Variants in DNAH9 observed in about 807,000 individuals in gnomAD.
DNAH9 encodes the protein dynein axonemal heavy chain 9.
In DNAH9, 345 loss-of-function variants were observed where a neutral mutation model predicts 471.6. The observed-to-expected ratio is 0.73, with a 90% CI of 0.67 to 0.80. The LOEUF is 0.80. Among genes scored for constraint, DNAH9 ranks in the 30% least tolerant of loss-of-function variants. The probability of loss-of-function intolerance (pLI) is 0.00; values close to 1 mark genes in which losing one functional copy is unlikely to be tolerated. For missense variants in DNAH9, 5,407 were observed against 5,609.2 expected (o/e 0.96, Z 1.15); for synonymous variants, 2,093 against 2,123.6 (o/e 0.99, Z 0.40).
chr17:11,919,930 A>G (rs567809646), intron 61 of DNAH9, among the ~76,000 whole-genome samples: 4 of 152,346 alleles, frequency 2.6e-5, no homozygotes, highest in Non-Finnish European at 5.9e-5. Context: ...ATGAGTGGAC[A>G]TGGAAGAATC....
intron 53 of DNAH9, among the ~76,000 whole-genome samples, chr17:11,876,709 T>C (rs2009919): frequency 0.45 from 68,548 of 151,772 alleles, 17,474 homozygotes; most frequent in Middle Eastern, 0.62. Context: ...AGGTTTTGTT[T>C]TTTTTGTTTG....
intron 52 of DNAH9, among the ~76,000 whole-genome samples, chr17:11,872,233 G>A (rs934965883): frequency 4.6e-5 from 7 of 152,106 alleles, no homozygotes; most frequent in African/African-American, 1.7e-4. Flanking sequence ...GTGACTCACA[G>A]ATATCCTTCG....
Position 11,763,463 on chromosome 17 carries a change from C to T in DNAH9, c.7019C>T (p.Pro2340Leu). ...AGGTTTAAGAAGATCATTCCCATCC[C>T]AGAGCAGAGCATGGTTCAGATGGTG... is the stretch of plus-strand genomic sequence containing the variant. Reference protein sequence around the residue: ...RTRFKKIIPIPEQSMVQMVCH... With the variant: ...RTRFKKIIPILEQSMVQMVCH... The change falls in exon 36 of 69, where the codon CCA becomes CTA. Residue 2340 changes from proline to leucine, a missense_variant. By Grantham distance (98) the Pro-to-Leu change is moderately conservative. Transcript: ENST00000262442. The T allele has an allele frequency of 6.2e-7, 1 of 1,614,094 alleles. No homozygotes were observed. Among genetic ancestry groups the T allele is most frequent in the Non-Finnish European group, 8.5e-7 (1 of 1,179,984 alleles).
rs2150701165 is a variant in DNAH9 at position 11,651,287 on chromosome 17, C to A, written c.2316C>A (p.Leu772=). ...EEELQNIDLR[L]RAAEETLNWK... ...AGCTGCAAAATATTGATCTCCGCCTCAGAGCAGCAGAGGAGACTTTGAACT... is the reference window on the plus strand; with the variant it reads ...AGCTGCAAAATATTGATCTCCGCCTAAGAGCAGCAGAGGAGACTTTGAACT... The change falls in exon 13 of 69, where the codon CTC becomes CTA. Residue 772 remains leucine (L), a synonymous_variant. Transcript: ENST00000262442. 1 of 1,613,806 alleles carries A rather than the reference C, an allele frequency of 6.2e-7. No homozygotes were observed. The highest frequency in any genetic ancestry group is 2.2e-5 in the East Asian group (1 of 44,874).
Position 11,902,702 on chromosome 17 carries a change from T to C in DNAH9, c.11407-17T>C, listed in dbSNP as rs1433529129. The C allele has an allele frequency of 3.1e-6, 5 of 1,601,560 alleles. No individual in the cohort carries two copies. The highest frequency in any genetic ancestry group is 4.3e-6 in the Non-Finnish European group (5 of 1,172,728). ...TTTCTGGAGAAACTGCATTTCAGAT[T>C]CTCTGAAATTTCCCAGGTACTTTCA... On this transcript the variant is annotated splice_polypyrimidine_tract_variant and intron_variant, in intron 59 of 68. Transcript: ENST00000262442.
At position 11,947,772 on chromosome 17, in the gene DNAH9, A is replaced by AATTTTTTTTTTTTTT. The variant is rs1555528615; in HGVS notation, c.12843+5287_12843+5288insATTTTTTTTTTTTTT. Among the ~76,000 whole-genome samples, 4 of 108,344 alleles carry AATTTTTTTTTTTTTT rather than the reference A, an allele frequency of 3.7e-5. 1 individual carries two copies. Among genetic ancestry groups the AATTTTTTTTTTTTTT allele is most frequent in the Admixed American group, 1.0e-4 (1 of 9,916 alleles). The allele number at this position is 108,344 out of a possible 152,430, so 71.1% of individuals were successfully genotyped here. ...CAGAATCTGGGAGGGGCTGGGAACT[A>AATTTTTTTTTTTTTT]TTTTTTTTTTTTTTTTTTTTTTTTT... On this transcript the variant is annotated intron_variant, in intron 67 of 68. Coordinates refer to ENST00000262442, the MANE Select transcript of DNAH9 (RefSeq NM_001372.4).
At chr17:11,797,269 C>T (rs1225157440) in intron 42 of DNAH9, among the ~76,000 whole-genome samples, 1 of 152,106 alleles carries the variant, frequency 6.6e-6, no homozygotes, top group East Asian at 1.9e-4. Flanking sequence ...GGTGAAAGAG[C>T]CCCCACTTAG....
At chr17:11,884,564 C>T (rs1288279718) in intron 56 of DNAH9, 2 of 456,032 alleles carry the variant, frequency 4.4e-6, no homozygotes, top group East Asian at 6.9e-5. Context: ...ATATGAAAGA[C>T]TTCGTTCTAG....
intron 10 of DNAH9, among the ~76,000 whole-genome samples, chr17:11,640,975 T>C (rs2073260534): frequency 6.6e-6 from 1 of 152,146 alleles, no homozygotes; most frequent in Non-Finnish European, 1.5e-5. Context: ...GCAACTCAGC[T>C]GCTAATTGTG....
At chr17:11,767,960 T>C (rs1968034708) in intron 36 of DNAH9, among the ~76,000 whole-genome samples, 2 of 152,164 alleles carry the variant, frequency 1.3e-5, no homozygotes, top group Admixed American at 1.3e-4. Flanking sequence ...AAGAAGGATT[T>C]GCCTGTGGTT....
At chr17:11,679,273 C>A (rs2074095105) in intron 17 of DNAH9, among the ~76,000 whole-genome samples, 1 of 152,228 alleles carries the variant, frequency 6.6e-6, no homozygotes, top group Admixed American at 6.5e-5. Context: ...AACATATGAT[C>A]ATTTATGCAT....
intron 49 of DNAH9, among the ~76,000 whole-genome samples, chr17:11,850,535 C>G (rs1409079844): frequency 6.6e-6 from 1 of 151,814 alleles, no homozygotes; most frequent in Non-Finnish European, 1.5e-5. Context: ...GTAATCCCAG[C>G]TGTAATTTGG....
intron 66 of DNAH9, 58 bp from the exon 67 acceptor site, chr17:11,942,245 G>T: frequency 6.4e-7 from 1 of 1,573,796 alleles, no homozygotes; most frequent in South Asian, 1.2e-5. Context: ...GCAGGAAAAT[G>T]GATTCCTTCT....
intron 6 of DNAH9, among the ~76,000 whole-genome samples, chr17:11,628,934 T>C (rs978974386): frequency 6.6e-5 from 10 of 152,318 alleles, no homozygotes; most frequent in African/African-American, 2.4e-4. Flanking sequence ...TGCTTTGTTA[T>C]TGAGTTTAAC....
chr17:11,692,792 T>C (rs998752157), intron 20 of DNAH9, among the ~76,000 whole-genome samples: 19 of 152,162 alleles, frequency 1.2e-4, no homozygotes, highest in Non-Finnish European at 2.8e-4. Context: ...AAGTCAGATA[T>C]TGTAGAGATT....
rs115161934 is a variant in DNAH9, at chr17:11,883,396, G to A, written c.10807-190G>A. On this transcript the variant is annotated intron_variant, in intron 55 of 68. Transcript: ENST00000262442. ...AGAGGGTAAACTGGCTCAAGGTCAT[G>A]TGCCCAGAATATTGTACAGTTGGGC... Among the ~76,000 whole-genome samples, 699 of 152,296 alleles carry A rather than the reference G, an allele frequency of 4.6e-3. 7 individuals are homozygous for A. The highest frequency in any genetic ancestry group is 0.016 in the African/African-American group (672 of 41,564).
intron 32 of DNAH9, among the ~76,000 whole-genome samples, chr17:11,752,577 C>T (rs891970932): frequency 4.6e-5 from 7 of 151,980 alleles, no homozygotes; most frequent in Admixed American, 1.3e-4. Flanking sequence ...TGAGGCAGGA[C>T]AATCGCTTGA....
At position 11,705,105 on chromosome 17, in the gene DNAH9, C is replaced by T. The variant is rs1392596509; in HGVS notation, c.5472C>T (p.Asn1824=). The stretch of plus-strand genomic sequence containing the variant: ...ACGAGGTCAAACACTGCTTTGCCAA[C>T]ATCTGTGATGCCCAGTTTTTGTATT... ...WDDEVKHCFA[N]ICDAQFLYSY... is the part of the protein sequence containing the mutation. The change falls in exon 26 of 69, where the codon AAC becomes AAT. Residue 1824 remains asparagine (N), a synonymous_variant. Coordinates refer to ENST00000262442, the MANE Select transcript of DNAH9 (RefSeq NM_001372.4). 1 of 1,614,104 alleles carries T rather than the reference C, an allele frequency of 6.2e-7. No homozygotes were observed.
chr17:11,617,583 T>A lies in DNAH9; in HGVS notation c.1077T>A (p.Thr359=), dbSNP rs1052916090. The A allele has an allele frequency of 6.2e-7, 1 of 1,614,172 alleles. No individual in the cohort carries two copies. The highest frequency in any genetic ancestry group is 1.3e-5 in the African/African-American group (1 of 75,054). The part of the protein sequence containing the change: ...CKSYRSPGRL[T]VLLQEICNLL... ...CCTACCGCTCCCCGGGAAGGCTGAC[T>A]GTGCTGCTCCAGGAGATTTGCAACC... The change falls in exon 5 of 69, where the codon ACT becomes ACA. Residue 359 remains threonine (T), a synonymous_variant. Coordinates refer to ENST00000262442, the MANE Select transcript of DNAH9 (RefSeq NM_001372.4).
Sources: gnomAD v4.1 joint callset for allele counts (sites outside exome capture counted in the v4.1 genomes callset) on GRCh38, gnomAD v4.1.1 for gene constraint, MANE v1.5 for transcripts, NCBI Gene and HGNC (gene_info 2026-07-23, HGNC 2026-07-21) for gene names.